Variants in PRKD1 observed in about 807,000 individuals in gnomAD.
The protein encoded by PRKD1 is serine/threonine-protein kinase D1.
In PRKD1, 63 loss-of-function variants were observed where a neutral mutation model predicts 95.9. The ratio of observed to expected loss-of-function variants is 0.66; its 90% CI spans 0.54 to 0.81. PRKD1 has a LOEUF of 0.81. Ranked by LOEUF, PRKD1 falls within the 30% of genes least tolerant of loss-of-function variation. The pLI is 0.00. For synonymous variants in PRKD1, 425 were observed against 423.1 expected (o/e 1.00, Z -0.05); for missense variants, 1,048 against 1,165.3 (o/e 0.90, Z 1.47).
intron 1 of PRKD1, among the ~76,000 whole-genome samples, chr14:29,773,705 A>G (rs1289875029): frequency 6.6e-6 from 1 of 152,196 alleles, no homozygotes. Context: ...AGTTTTCTTT[A>G]GTTATGACCA....
intron 1 of PRKD1, among the ~76,000 whole-genome samples, chr14:29,743,459 C>G (rs1178355918): frequency 6.6e-6 from 1 of 151,778 alleles, no homozygotes; most frequent in Non-Finnish European, 1.5e-5. Flanking sequence ...CACAGAGAAC[C>G]AAGCAGAGAA....
Position 29,734,631 on chromosome 14 carries a change from G to A in PRKD1, c.265-8957C>T, listed in dbSNP as rs748774211. Among the ~76,000 whole-genome samples the A allele has an allele frequency of 2.0e-5, 3 of 152,066 alleles. No individual in the cohort carries two copies. In the South Asian group the frequency reaches 6.2e-4, roughly 32 times the overall value. ...TCTCCTATTTGCTTGATAGAAACTC[G>A]AATGTCTCTCAGCCCTATGAGAGCC... On this transcript the variant is annotated intron_variant, in intron 1 of 17. Coordinates refer to ENST00000331968, the MANE Select transcript of PRKD1 (RefSeq NM_002742.3).
At chr14:29,742,235 G>A (rs544838059) in intron 1 of PRKD1, among the ~76,000 whole-genome samples, 1 of 152,302 alleles carries the variant, frequency 6.6e-6, no homozygotes, top group South Asian at 2.1e-4. Context: ...TGCAGGAGAG[G>A]AAAGGAGAGC....
chr14:29,615,171 A>G (rs978448282), intron 13 of PRKD1, among the ~76,000 whole-genome samples: 2 of 152,164 alleles, frequency 1.3e-5, no homozygotes, highest in African/African-American at 4.8e-5. Context: ...GTTAAAGAAA[A>G]GCCTATTCAT....
At chr14:29,836,899 A>C (rs45593235) in intron 1 of PRKD1, among the ~76,000 whole-genome samples, 1,882 of 152,336 alleles carry the variant, frequency 0.012, 42 homozygotes, top group African/African-American at 0.043. Flanking sequence ...GCCGGAAAGA[A>C]GTTAAAGAAA....
chr14:29,814,913 T>TAAAG (rs1227379530), intron 1 of PRKD1, among the ~76,000 whole-genome samples: 3 of 152,202 alleles, frequency 2.0e-5, no homozygotes, highest in African/African-American at 7.2e-5. Flanking sequence ...ATACACAGTG[T>TAAAG]AAAGGATGGT....
In PRKD1 at chr14:29,728,966, C is replaced by G. The variant is rs1953731; in HGVS notation, c.265-3292G>C. On this transcript the variant is annotated intron_variant, in intron 1 of 17. Transcript: ENST00000331968. ...TTTCAAGATTGTTTTGGATATAGGA[C>G]CATTGAATTTCCATATACATTTTAG... 7.0e-3 allele frequency among the ~76,000 whole-genome samples: 1,069 copies of G among 152,098 alleles called. 21 individuals are homozygous for G. The highest frequency in any genetic ancestry group is 0.039 in the East Asian group (201 of 5,166).
At chr14:29,854,024 G>T (rs769221337) in intron 1 of PRKD1, among the ~76,000 whole-genome samples, 46 of 152,034 alleles carry the variant, frequency 3.0e-4, no homozygotes, top group African/African-American at 9.4e-4. Flanking sequence ...GCCCAGTCTC[G>T]GATATGTTTT....
At chr14:29,583,247 T>A (rs1160294415) in intron 16 of PRKD1, among the ~76,000 whole-genome samples, 5 of 152,154 alleles carry the variant, frequency 3.3e-5, no homozygotes, top group African/African-American at 1.2e-4. Flanking sequence ...TGGAACATAG[T>A]GCGGTCTTTC....
At chr14:29,808,575 T>A (rs1890345624) in intron 1 of PRKD1, among the ~76,000 whole-genome samples, 1 of 151,608 alleles carries the variant, frequency 6.6e-6, no homozygotes, top group Non-Finnish European at 1.5e-5. Flanking sequence ...AATTTTTGTA[T>A]TTTTAGTAGA....
chr14:29,803,132 A>G (rs187381928), intron 1 of PRKD1, among the ~76,000 whole-genome samples: 1 of 152,324 alleles, frequency 6.6e-6, no homozygotes, highest in African/African-American at 2.4e-5. Flanking sequence ...GGCTGAAAGG[A>G]CCCACAGGCT....
chr14:29,794,760 G>A (rs1889735538), intron 1 of PRKD1, among the ~76,000 whole-genome samples: 1 of 151,734 alleles, frequency 6.6e-6, no homozygotes, highest in Non-Finnish European at 1.5e-5. Context: ...CTTCGCTGCT[G>A]TATTTTATTT....
At chr14:29,874,732 C>T (rs1019324282) in intron 1 of PRKD1, among the ~76,000 whole-genome samples, 1 of 152,090 alleles carries the variant, frequency 6.6e-6, no homozygotes. Context: ...TGAAATAACC[C>T]AGGCACAAAA....
chr14:29,648,938 G>A (rs1265619631), intron 4 of PRKD1, among the ~76,000 whole-genome samples: 1 of 152,126 alleles, frequency 6.6e-6, no homozygotes, highest in Non-Finnish European at 1.5e-5. Context: ...ACAGGCGTGA[G>A]CCACCATGCC....
At chr14:29,620,118 C>T (rs1267972263) in intron 13 of PRKD1, among the ~76,000 whole-genome samples, 2 of 151,262 alleles carry the variant, frequency 1.3e-5, no homozygotes, top group Non-Finnish European at 2.9e-5. Flanking sequence ...ACTGGCTAGC[C>T]ATATGTAGAA....
In PRKD1 at chr14:29,663,571, A is replaced by G. The variant is rs1248379583; in HGVS notation, c.696+128T>C. The G allele has an allele frequency of 1.2e-5, 13 of 1,068,382 alleles. No homozygotes were observed. In the East Asian group the frequency reaches 2.9e-4, roughly 24 times the overall value. The allele number at this position is 1,068,382 out of a possible 1,614,324, so 66.2% of individuals were successfully genotyped here. ...GACCAATCTACAGCACAAGCCCTGA[A>G]GAAACACTGTCATTAACACCCTGGC... On this transcript the variant is annotated intron_variant, in intron 4 of 17. Transcript: ENST00000331968.
chr14:29,686,177 T>A (rs1883856142), intron 2 of PRKD1, among the ~76,000 whole-genome samples: 1 of 152,208 alleles, frequency 6.6e-6, no homozygotes, highest in African/African-American at 2.4e-5. Flanking sequence ...TTCCTCTTTT[T>A]AATTTGAATC....
chr14:29,812,100 T>C (rs922654793), intron 1 of PRKD1: 2 of 152,206 alleles, frequency 1.3e-5, no homozygotes, highest in Non-Finnish European at 2.9e-5. Context: ...GAAATCTGGA[T>C]TGTGTGCCCA....
At chr14:29,611,319 A>C (rs980277366) in intron 13 of PRKD1, among the ~76,000 whole-genome samples, 1 of 152,190 alleles carries the variant, frequency 6.6e-6, no homozygotes, top group Admixed American at 6.5e-5. Flanking sequence ...CTAAAAATAA[A>C]GTCTTTTAAA....
Sources: allele counts gnomAD v4.1 joint callset (sites outside exome capture counted in the v4.1 genomes callset), GRCh38; gene constraint gnomAD v4.1.1; transcripts MANE v1.5; gene names NCBI Gene and HGNC (gene_info 2026-07-23, HGNC 2026-07-21).